SLC37A3: variants seen among roughly 807,000 people sequenced by gnomAD.
The protein encoded by SLC37A3 is sugar phosphate exchanger 3.
SLC37A3 carries 51 observed loss-of-function variants against 67.1 expected under a neutral mutation model. That is an observed-to-expected ratio of 0.76 (90% CI 0.61 to 0.96). SLC37A3 has a LOEUF of 0.96. SLC37A3 is among the 40% of genes least tolerant of loss of function. The pLI, the probability that SLC37A3 is intolerant of heterozygous loss-of-function variation, is 0.00. For missense variants in SLC37A3, 508 were observed against 603.0 expected, an observed-to-expected ratio of 0.84 and a Z score of 1.65; for synonymous variants, 214 against 231.4, an observed-to-expected ratio of 0.92 and a Z score of 0.68.
chr7:140,383,897 G>A (rs1053309206), intron 1 of SLC37A3, among the ~76,000 whole-genome samples: 1 of 152,032 alleles, frequency 6.6e-6, no homozygotes, highest in African/African-American at 2.4e-5. Context: ...GGCTGGTCTC[G>A]AACTCCTGAG....
intron 13 of SLC37A3, among the ~76,000 whole-genome samples, chr7:140,338,689 C>G (rs1796239010): frequency 6.6e-6 from 1 of 152,044 alleles, no homozygotes; most frequent in Non-Finnish European, 1.5e-5. Context: ...CCAGGCTGGT[C>G]TGGAACTCCT....
Position 140,345,123 on chromosome 7 carries a change from G to A in SLC37A3, c.1174+93C>T, listed in dbSNP as rs149940164. On this transcript the variant is annotated intron_variant, in intron 12 of 14. Transcript: ENST00000326232. ...TTGAATTCTCTGTAATTAAGGTTTC[G>A]GTACTACTCAAATTGAGGGAGAAAA... 4.2e-4 allele frequency: 469 copies of A among 1,111,710 alleles called. No homozygotes were observed. The East Asian group carries it at 7.3e-3, about 17-fold the overall frequency. The allele number at this position is 1,111,710 out of a possible 1,614,324, so 68.9% of individuals were successfully genotyped here.
chr7:140,345,735 T>C lies in SLC37A3; in HGVS notation c.1126+134A>G, dbSNP rs1419430146. On this transcript the variant is annotated intron_variant, in intron 11 of 14. Transcript: ENST00000326232. Reference sequence around the variant, plus strand: ...GGTTTCCCAGGCATTCACAGGACAATGCAAAGGTGGCATATCGGGCCTTGA... The same window carrying C: ...GGTTTCCCAGGCATTCACAGGACAACGCAAAGGTGGCATATCGGGCCTTGA... The C allele has an allele frequency of 5.6e-6, 4 of 712,548 alleles. No individual in the cohort carries two copies. The African/African-American group carries it at 7.0e-5, about 12-fold the overall frequency. The allele number at this position is 712,548 out of a possible 1,614,324, so 44.1% of individuals were successfully genotyped here.
At position 140,345,206 on chromosome 7, in the gene SLC37A3, T is replaced by C. The variant is rs776781505; in HGVS notation, c.1174+10A>G. 75 of 1,611,974 alleles carry C rather than the reference T, an allele frequency of 4.7e-5. No individual in the cohort carries two copies. The highest frequency in any genetic ancestry group is 6.1e-5 in the Non-Finnish European group (72 of 1,178,262). On this transcript the variant is annotated intron_variant, in intron 12 of 14. Coordinates refer to ENST00000326232, the MANE Select transcript of SLC37A3 (RefSeq NM_207113.3). ...ACAGAAGCATGGTGGAGCAGAGCCA[T>C]GTGCCGTACCTGTAACAGTCATCAG...
chr7:140,351,561 G>A, intron 8 of SLC37A3, 110 bp from the exon 9 acceptor site: 1 of 1,192,730 alleles, frequency 8.4e-7, no homozygotes, highest in Non-Finnish European at 1.2e-6. Context: ...TTTTACAGAA[G>A]CAGCAACGAA....
intron 8 of SLC37A3, 30 bp from the exon 9 acceptor site, chr7:140,351,481 G>A (rs1377827664): frequency 6.2e-7 from 1 of 1,607,452 alleles, no homozygotes; most frequent in East Asian, 2.2e-5. Flanking sequence ...CACTGTTTAT[G>A]GAGTGCCTAC....
At position 140,397,934 on chromosome 7, in the gene SLC37A3, C is replaced by T. The variant is rs369702117; in HGVS notation, c.-71+482G>A. Among the ~76,000 whole-genome samples the T allele has an allele frequency of 3.3e-5, 5 of 152,320 alleles. No homozygotes were observed. The East Asian group carries it at 9.6e-4, about 29-fold the overall frequency. The stretch of plus-strand genomic sequence containing the variant: ...TTTGACCAAATTCCTTGACTGAGTT[C>T]ATGCTAGTTACCAGAAAACAAAACC... On this transcript the variant is annotated intron_variant, in intron 1 of 14. Transcript: ENST00000326232.
intron 2 of SLC37A3, 96 bp from the exon 3 acceptor site, chr7:140,380,486 T>C: frequency 1.2e-6 from 1 of 842,390 alleles, no homozygotes; most frequent in Non-Finnish European, 1.8e-6. Flanking sequence ...TTCAATTTTA[T>C]TTTATTTTAT....
At position 140,365,039 on chromosome 7, in the gene SLC37A3, C is replaced by T. The variant is rs191465781; in HGVS notation, c.292-548G>A. Among the ~76,000 whole-genome samples the T allele has an allele frequency of 1.3e-4, 20 of 152,244 alleles. 1 individual carries two copies. The highest frequency in any genetic ancestry group is 4.6e-4 in the African/African-American group (19 of 41,550). On this transcript the variant is annotated intron_variant, in intron 4 of 14. Transcript: ENST00000326232. Reference sequence around the variant, plus strand: ...AGAAGGTTCCAGGGCACACTAGCTGCCTGTTGAATCTGACCCTTGGGTTTC... The same window carrying T: ...AGAAGGTTCCAGGGCACACTAGCTGTCTGTTGAATCTGACCCTTGGGTTTC...
intron 14 of SLC37A3, 104 bp downstream of exon 14, chr7:140,337,180 C>T: frequency 1.5e-6 from 1 of 672,412 alleles, no homozygotes; most frequent in Non-Finnish European, 2.3e-6. Flanking sequence ...CACAAAGGAG[C>T]CTTTAAAAGC....
intron 1 of SLC37A3, among the ~76,000 whole-genome samples, chr7:140,384,153 T>C (rs535522876): frequency 6.6e-6 from 1 of 152,330 alleles, no homozygotes; most frequent in African/African-American, 2.4e-5. Context: ...TATGTCTGAA[T>C]GGCTGAATCA....
At chr7:140,362,915 G>A (rs1213146405) in intron 5 of SLC37A3, among the ~76,000 whole-genome samples, 1 of 70,644 alleles carries the variant, frequency 1.4e-5, no homozygotes, top group Non-Finnish European at 3.1e-5. Flanking sequence ...GGGGGGGGTC[G>A]GCCAGCCGCC....
intron 3 of SLC37A3, among the ~76,000 whole-genome samples, chr7:140,374,199 G>GA (rs1797932258): frequency 6.6e-6 from 1 of 152,056 alleles, no homozygotes; most frequent in African/African-American, 2.4e-5. Context: ...GTTACAGAAA[G>GA]AAATTTTGAT....
intron 3 of SLC37A3, among the ~76,000 whole-genome samples, chr7:140,375,175 A>C (rs531802970): frequency 4.3e-5 from 4 of 93,590 alleles, no homozygotes; most frequent in African/African-American, 2.1e-4. Context: ...AAAAAACAAC[A>C]AAAAAAAAAC....
At position 140,337,362 on chromosome 7, in the gene SLC37A3, A is replaced by G. The variant is rs73737575; in HGVS notation, c.1327-13T>C. 53,713 of 1,546,722 alleles carry G rather than the reference A, an allele frequency of 0.035. 1,528 individuals carry two copies. Among genetic ancestry groups the G allele is most frequent in the African/African-American group, 0.15 (10,884 of 71,766 alleles). On this transcript the variant is annotated splice_polypyrimidine_tract_variant and intron_variant, in intron 13 of 14. Coordinates refer to ENST00000326232, the MANE Select transcript of SLC37A3 (RefSeq NM_207113.3). ...GAGACACTAAATACTGAAAGGGAGGAAAAAAAAATTACAATATAATTCTTT... is the reference window on the plus strand; with the variant it reads ...GAGACACTAAATACTGAAAGGGAGGGAAAAAAAATTACAATATAATTCTTT...
At position 140,333,754 on chromosome 7, in the gene SLC37A3, C is replaced by T. The variant is rs1796030741; in HGVS notation, c.*1658G>A. The T allele has an allele frequency of 6.6e-6, 1 of 152,598 alleles. No homozygotes were observed. 9.5% of individuals were successfully genotyped at this position (152,598 alleles called of 1,614,324 possible). A position where few individuals can be genotyped will look rare whatever the true frequency, so the allele number is the denominator to read the frequency against. ...AGATTTAAGTAACGAAATGGAGATT[C>T]ATTATAAAAGTCAGTTTATTTTCCC... is the stretch of plus-strand genomic sequence containing the variant. On this transcript the variant is annotated 3_prime_UTR_variant, in exon 15 of 15. Transcript: ENST00000326232.
chr7:140,361,752 G>T (rs965692657), intron 5 of SLC37A3, among the ~76,000 whole-genome samples: 1 of 146,894 alleles, frequency 6.8e-6, no homozygotes, highest in African/African-American at 2.6e-5. Context: ...GGGTTTTGCT[G>T]TGTCGGCCGG....
Position 140,345,948 on chromosome 7 carries a change from G to T in SLC37A3, c.1047C>A (p.Ile349=), listed in dbSNP as rs752332764. The T allele has an allele frequency of 1.7e-5, 27 of 1,613,806 alleles. No homozygotes were observed. In the Middle Eastern group the frequency reaches 6.6e-4, roughly 39 times the overall value. ...GCGCTCTCTTCTGTAGTACATCAGA[G>T]ATGAAGCCTTGCAAAGTTCCACCTT... The part of the protein sequence containing the change: ...GIIGGTLQGF[I]SDVLQKRAPV... The change falls in exon 11 of 15, where the codon ATC becomes ATA. Residue 349 remains isoleucine (I), a synonymous_variant. Coordinates refer to ENST00000326232, the MANE Select transcript of SLC37A3 (RefSeq NM_207113.3).
chr7:140,354,740 G>GTTT (rs757344637), intron 7 of SLC37A3, among the ~76,000 whole-genome samples: 2 of 124,394 alleles, frequency 1.6e-5, no homozygotes, highest in Non-Finnish European at 3.5e-5. Flanking sequence ...GCTTTTTGGT[G>GTTT]TTTTTTTTTT....
Sources: gnomAD v4.1 joint callset for allele counts (sites outside exome capture counted in the v4.1 genomes callset) on GRCh38, gnomAD v4.1.1 for gene constraint, MANE v1.5 for transcripts, NCBI Gene and HGNC (gene_info 2026-07-23, HGNC 2026-07-21) for gene names.